PRELID2: variants seen among roughly 807,000 people sequenced by gnomAD.
PRELID2 encodes the protein PRELI domain-containing protein 2.
Under a neutral mutation model 28.4 loss-of-function variants are expected in PRELID2, and 25 were observed. The observed-to-expected ratio is 0.88, with a 90% CI of 0.64 to 1.23. The LOEUF (loss-of-function observed/expected upper bound fraction) is 1.23, where lower values mean the gene tolerates loss of function less well. PRELID2 is among the 50% of genes most tolerant of loss of function. The probability of loss-of-function intolerance (pLI) is 0.00; values close to 1 mark genes in which losing one functional copy is unlikely to be tolerated. For missense variants in PRELID2, 201 were observed against 214.4 expected (o/e 0.94, Z 0.39); for synonymous variants, 76 against 71.6 (o/e 1.06, Z -0.31).
At chr5:145,748,196 T>C (rs1254333444) in intron 1 of PRELID2, among the ~76,000 whole-genome samples, 2 of 152,174 alleles carry the variant, frequency 1.3e-5, no homozygotes, top group South Asian at 2.1e-4. Flanking sequence ...CGTATTCAAA[T>C]AGGAAGAGAG....
chr5:145,832,291 T>C (rs1755643284), intron 1 of PRELID2, among the ~76,000 whole-genome samples: 1 of 152,138 alleles, frequency 6.6e-6, no homozygotes, highest in South Asian at 2.1e-4. Flanking sequence ...GTTCAAGTGA[T>C]TCTCATCTTA....
At chr5:145,241,247 T>G in the PRELID2 span, among the ~76,000 whole-genome samples, 1 of 152,036 alleles carries the variant, frequency 6.6e-6, no homozygotes, top group Non-Finnish European at 1.5e-5. Context: ...GTGTGTCATT[T>G]ACTGGTCTGG....
intron 4 of PRELID2, among the ~76,000 whole-genome samples, chr5:145,813,862 C>T (rs1320803314): frequency 1.3e-5 from 2 of 152,136 alleles, no homozygotes; most frequent in Admixed American, 1.3e-4. Flanking sequence ...ATGCATACAA[C>T]CTTTGACCAT....
At chr5:145,834,001 C>A (rs1240153559) in intron 1 of PRELID2, among the ~76,000 whole-genome samples, 1 of 152,200 alleles carries the variant, frequency 6.6e-6, no homozygotes, top group Non-Finnish European at 1.5e-5. Flanking sequence ...GCCTCCCAGG[C>A]CTGGGCGCTT....
chr5:145,294,511 C>A, the PRELID2 span, among the ~76,000 whole-genome samples: 2 of 152,146 alleles, frequency 1.3e-5, no homozygotes, highest in Non-Finnish European at 2.9e-5. Flanking sequence ...CCATTGCTAA[C>A]CCTGTATGAC....
At chr5:145,437,535 C>T in the PRELID2 span, among the ~76,000 whole-genome samples, 2 of 152,072 alleles carry the variant, frequency 1.3e-5, no homozygotes, top group Non-Finnish European at 2.9e-5. Flanking sequence ...CTGAAGTAGC[C>T]TCTGTGCACA....
At chr5:145,537,862 T>G (rs1467626993) in intron 1 of PRELID2, among the ~76,000 whole-genome samples, 1 of 151,944 alleles carries the variant, frequency 6.6e-6, no homozygotes, top group African/African-American at 2.4e-5. Context: ...ATTTGCCTAT[T>G]TTTTCTTAGT....
chr5:145,701,830 T>A (rs1169124440), intron 1 of PRELID2, among the ~76,000 whole-genome samples: 3 of 152,142 alleles, frequency 2.0e-5, no homozygotes, highest in Admixed American at 6.5e-5. Flanking sequence ...GGTGGGCAGA[T>A]CACCTGAGGT....
In PRELID2 at chr5:145,723,853, A is replaced by C. The variant is rs149645682; in HGVS notation, n.70+41078T>G. Among the ~76,000 whole-genome samples the C allele has an allele frequency of 3.8e-3, 582 of 152,304 alleles. 4 individuals are homozygous for C. The highest frequency in any genetic ancestry group is 0.013 in the African/African-American group (558 of 41,566). On this transcript the variant is annotated intron_variant and non_coding_transcript_variant, in intron 1 of 2. Transcript: ENST00000510259. ...ATCTCAAATCTAGAAACTTACCCTGAATATATATCTCCAACAATAAGAAAA... is the reference window on the plus strand; with the variant it reads ...ATCTCAAATCTAGAAACTTACCCTGCATATATATCTCCAACAATAAGAAAA...
intron 1 of PRELID2, among the ~76,000 whole-genome samples, chr5:145,641,742 A>C (rs1754111015): frequency 6.6e-6 from 1 of 152,050 alleles, no homozygotes; most frequent in South Asian, 2.1e-4. Context: ...TTCAACTCCC[A>C]CTTATGAGTG....
intron 1 of PRELID2, among the ~76,000 whole-genome samples, chr5:145,740,473 T>C (rs1756640048): frequency 7.2e-6 from 1 of 138,700 alleles, no homozygotes; most frequent in Non-Finnish European, 1.5e-5. Flanking sequence ...GAACACCAAC[T>C]AGGATATAGA....
chr5:145,630,783 T>A (rs1753921840), intron 1 of PRELID2, among the ~76,000 whole-genome samples: 1 of 152,224 alleles, frequency 6.6e-6, no homozygotes, highest in Admixed American at 6.5e-5. Context: ...AAAAAGAAAC[T>A]ACTGCTCACC....
the PRELID2 span, among the ~76,000 whole-genome samples, chr5:145,317,508 G>C: frequency 6.6e-6 from 1 of 152,306 alleles, no homozygotes; most frequent in East Asian, 1.9e-4. Flanking sequence ...GTAACAAAGA[G>C]CGAGGGAGGA....
At chr5:145,724,487 T>C (rs1174152716) in intron 1 of PRELID2, among the ~76,000 whole-genome samples, 1 of 150,464 alleles carries the variant, frequency 6.6e-6, no homozygotes, top group East Asian at 2.0e-4. Context: ...ACATAGATAA[T>C]GGATTAGATA....
At chr5:145,819,373 A>C in intron 3 of PRELID2, 1 of 1,593,168 alleles carries the variant, frequency 6.3e-7, no homozygotes, top group Non-Finnish European at 8.6e-7. Context: ...AAAAATTTCC[A>C]CTCACCTTTT....
At chr5:145,487,996 T>C (rs1190778865) in intron 1 of PRELID2, among the ~76,000 whole-genome samples, 2 of 151,188 alleles carry the variant, frequency 1.3e-5, no homozygotes, top group Non-Finnish European at 2.9e-5. Flanking sequence ...TGATGGTGCA[T>C]ACCTGTAGAC....
the PRELID2 span, among the ~76,000 whole-genome samples, chr5:145,436,120 G>GT: frequency 6.6e-6 from 1 of 152,016 alleles, no homozygotes; most frequent in South Asian, 2.1e-4. Context: ...CCTATTGTCT[G>GT]TTTTTTCCTT....
chr5:145,591,101 G>T (rs1490334574), intron 1 of PRELID2, among the ~76,000 whole-genome samples: 1 of 152,080 alleles, frequency 6.6e-6, no homozygotes, highest in South Asian at 2.1e-4. Flanking sequence ...TTCAAGAACA[G>T]CCTTTGCAAC....
intron 1 of PRELID2, chr5:145,729,070 G>C (rs576325036): frequency 1.7e-6 from 1 of 603,298 alleles, no homozygotes; most frequent in Non-Finnish European, 3.0e-6. Flanking sequence ...AGAAATTCAA[G>C]TAAGCAGAAT....
Sources: allele counts gnomAD v4.1 joint callset (sites outside exome capture counted in the v4.1 genomes callset), GRCh38; gene constraint gnomAD v4.1.1; transcripts MANE v1.5; gene names NCBI Gene and HGNC (gene_info 2026-07-23, HGNC 2026-07-21).